Variants in ANKRD42 observed in about 807,000 individuals in gnomAD.
ANKRD42 encodes the protein ankyrin repeat domain 42.
ANKRD42 carries 43 observed loss-of-function variants against 51.5 expected under a neutral mutation model. The observed-to-expected ratio is 0.83, with a 90% CI of 0.65 to 1.08. The LOEUF (loss-of-function observed/expected upper bound fraction) is 1.08. ANKRD42 is among the 50% of genes least tolerant of loss of function. The probability of loss-of-function intolerance (pLI) is 0.00; values close to 1 mark genes in which losing one functional copy is unlikely to be tolerated. For missense variants in ANKRD42, 608 were observed against 629.3 expected, an observed-to-expected ratio of 0.97 and a Z score of 0.36; for synonymous variants, 203 against 213.0, an observed-to-expected ratio of 0.95 and a Z score of 0.41.
At chr11:83,251,242 A>C (rs1490032848), downstream of ANKRD42, among the ~76,000 whole-genome samples, 2 of 151,982 alleles carry the variant, frequency 1.3e-5, no homozygotes, top group East Asian at 1.9e-4. Flanking sequence ...CCCCTTTCCT[A>C]GTCTCCCTGG....
At chr11:83,228,794 CAG>C (rs890768336) in intron 7 of ANKRD42, among the ~76,000 whole-genome samples, 3 of 152,142 alleles carry the variant, frequency 2.0e-5, no homozygotes, top group African/African-American at 7.2e-5. Flanking sequence ...TTCTCCTACA[CAG>C]AGAGAGGTCC....
Position 83,211,449 on chromosome 11 carries a change from A to G in ANKRD42, c.586+19A>G, listed in dbSNP as rs1202325538. On this transcript the variant is annotated intron_variant, in intron 5 of 10. Coordinates refer to ENST00000533342, the MANE Select transcript of ANKRD42 (RefSeq NM_001300975.2). ...CTTCCAGGTATTTTAAATAAAGCAA[A>G]TATTTTAGTTTTTCATTGATGTAAA... 4 of 1,610,888 alleles carry G rather than the reference A, an allele frequency of 2.5e-6. No homozygotes were observed. Among genetic ancestry groups the G allele is most frequent in the East Asian group, 2.2e-5 (1 of 44,862 alleles).
chr11:83,239,990 T>G (rs1305608411), intron 8 of ANKRD42, among the ~76,000 whole-genome samples: 1 of 152,238 alleles, frequency 6.6e-6, no homozygotes, highest in East Asian at 1.9e-4. Flanking sequence ...TTACTATGTC[T>G]TTAATGATTT....
At chr11:83,212,956 C>T in intron 5 of ANKRD42, 4 of 1,546,766 alleles carry the variant, frequency 2.6e-6, no homozygotes, top group Non-Finnish European at 3.4e-6. Flanking sequence ...CAAAAAGCCC[C>T]TCTCTCGGCG....
At chr11:83,206,780 G>A (rs186688572) in intron 3 of ANKRD42, among the ~76,000 whole-genome samples, 2 of 152,304 alleles carry the variant, frequency 1.3e-5, no homozygotes, top group Non-Finnish European at 1.5e-5. Context: ...TGTTATAGTA[G>A]TCCAAACAGA....
rs1278485154 is a variant in ANKRD42, at chr11:83,227,982, C to A, written c.913+110C>A. 8.7e-6 allele frequency: 11 copies of A among 1,265,290 alleles called. No homozygotes were observed. The East Asian group carries it at 2.2e-4, about 25-fold the overall frequency. 78.4% of individuals were successfully genotyped at this position (1,265,290 alleles called of 1,614,324 possible). Reference sequence around the variant, plus strand: ...TGAAACATGAAACTTTTTTCTGATACCCTAGCAGATATCAGTCTATCTTGT... The same window carrying A: ...TGAAACATGAAACTTTTTTCTGATAACCTAGCAGATATCAGTCTATCTTGT... On this transcript the variant is annotated intron_variant, in intron 7 of 10. Transcript: ENST00000533342.
intron 5 of ANKRD42, chr11:83,212,692 T>G: frequency 2.6e-6 from 4 of 1,536,134 alleles, no homozygotes; most frequent in Non-Finnish European, 3.5e-6. Context: ...ATTCCTTGGC[T>G]TGGCATGCTG....
At chr11:83,247,589 C>T (rs1863581495) in intron 10 of ANKRD42, among the ~76,000 whole-genome samples, 1 of 152,158 alleles carries the variant, frequency 6.6e-6, no homozygotes, top group Admixed American at 6.5e-5. Context: ...AATGTTAAGC[C>T]CCTCTTCCAC....
rs768739340 is a variant in ANKRD42 at position 83,194,615 on chromosome 11, G to A, written c.-56G>A. 341 of 1,576,690 alleles carry A rather than the reference G, an allele frequency of 2.2e-4. No homozygotes were observed. Among genetic ancestry groups the A allele is most frequent in the Admixed American group, 2.7e-4 (16 of 59,128 alleles). On this transcript the variant is annotated 5_prime_UTR_variant, in exon 1 of 11. Coordinates refer to ENST00000533342, the MANE Select transcript of ANKRD42 (RefSeq NM_001300975.2). ...TCGTGGGTGAGAGCAAGTGAAGACC[G>A]CCGCAGCATCAGGGGCCTGGACTCA...
At chr11:83,241,627 C>T (rs1038888408) in intron 9 of ANKRD42, among the ~76,000 whole-genome samples, 5 of 152,104 alleles carry the variant, frequency 3.3e-5, no homozygotes, top group African/African-American at 4.8e-5. Context: ...ACAGATTGGT[C>T]TGAAAGGTAA....
chr11:83,210,672 G>GT (rs1322752179), intron 4 of ANKRD42, among the ~76,000 whole-genome samples: 1 of 152,232 alleles, frequency 6.6e-6, no homozygotes, highest in Non-Finnish European at 1.5e-5. Flanking sequence ...CCAGTTCAGA[G>GT]TTTAACTGGT....
intron 7 of ANKRD42, 52 bp from the exon 8 acceptor site, chr11:83,236,352 A>G (rs1565193509): frequency 1.3e-6 from 2 of 1,490,510 alleles, no homozygotes; most frequent in African/African-American, 1.4e-5. Flanking sequence ...ATTGTTACTA[A>G]TAACTAACTT....
intron 5 of ANKRD42, chr11:83,213,031 G>T (rs1309854466): frequency 2.5e-6 from 4 of 1,599,708 alleles, no homozygotes; most frequent in Non-Finnish European, 3.4e-6. Context: ...CCCTTGTGAA[G>T]CCCAGGATCA....
intron 5 of ANKRD42, chr11:83,214,143 C>G (rs964584338): frequency 6.6e-6 from 1 of 152,346 alleles, no homozygotes; most frequent in Non-Finnish European, 1.5e-5. Flanking sequence ...CCCACCTCGG[C>G]CTCCCAAAGT....
intron 1 of ANKRD42, among the ~76,000 whole-genome samples, chr11:83,196,369 G>C (rs1364658679): frequency 6.6e-6 from 1 of 151,216 alleles, no homozygotes; most frequent in African/African-American, 2.4e-5. Flanking sequence ...TAATACTTTA[G>C]TAGTAGGATT....
downstream of ANKRD42, chr11:83,257,222 GATA>G: frequency 2.3e-6 from 1 of 432,090 alleles, no homozygotes; most frequent in East Asian, 7.0e-5. Flanking sequence ...GTCCATGTGA[GATA>G]GATGCAAGGG....
chr11:83,227,392 C>A (rs113678757), intron 6 of ANKRD42, among the ~76,000 whole-genome samples: 1 of 152,098 alleles, frequency 6.6e-6, no homozygotes, highest in Non-Finnish European at 1.5e-5. Context: ...GGATTACAGG[C>A]GTGAGCCACC....
intron 5 of ANKRD42, chr11:83,213,223 C>T (rs1862397607): frequency 3.8e-6 from 6 of 1,599,196 alleles, no homozygotes; most frequent in Non-Finnish European, 5.1e-6. Flanking sequence ...TGCCTACTGA[C>T]TTCTGGAAGT....
intron 10 of ANKRD42, 34 bp downstream of exon 10, chr11:83,245,658 A>G: frequency 6.6e-7 from 1 of 1,518,892 alleles, no homozygotes; most frequent in Non-Finnish European, 8.8e-7. Context: ...ATTTGTTTTT[A>G]AATACCTCTC....
Sources: gnomAD v4.1 joint callset for allele counts (sites outside exome capture counted in the v4.1 genomes callset) on GRCh38, gnomAD v4.1.1 for gene constraint, MANE v1.5 for transcripts, NCBI Gene and HGNC (gene_info 2026-07-23, HGNC 2026-07-21) for gene names.